Variants in TGFBR2 observed in about 807,000 individuals in gnomAD.
TGFBR2 encodes the protein TGF-beta receptor type-2.
A neutral mutation model predicts 49.0 loss-of-function variants in TGFBR2; 18 were observed. The observed-to-expected ratio is 0.37, with a 90% confidence interval of 0.25 to 0.54. The LOEUF is 0.54. Ranked by LOEUF, TGFBR2 falls within the 20% of genes least tolerant of loss-of-function variation. The pLI, the probability that TGFBR2 is intolerant of heterozygous loss-of-function variation, is 0.85. For missense variants in TGFBR2, 525 were observed against 722.6 expected, an observed-to-expected ratio of 0.73 and a Z score of 3.13; for synonymous variants, 282 against 275.9, an observed-to-expected ratio of 1.02 and a Z score of -0.22.
chr3:30,636,232 C>CA (rs1698528781), intron 1 of TGFBR2, among the ~76,000 whole-genome samples: 1 of 151,114 alleles, frequency 6.6e-6, no homozygotes, highest in Non-Finnish European at 1.5e-5. Context: ...TGAGCCACCG[C>CA]ACCCGGCCCG....
intron 5 of TGFBR2, among the ~76,000 whole-genome samples, chr3:30,674,944 T>G (rs909204915): frequency 6.6e-6 from 1 of 152,082 alleles, no homozygotes. Flanking sequence ...CTCTGCTATG[T>G]CTTCTCTGCA....
chr3:30,671,237 C>A (rs1402759849), intron 3 of TGFBR2, among the ~76,000 whole-genome samples: 1 of 152,012 alleles, frequency 6.6e-6, no homozygotes, highest in Non-Finnish European at 1.5e-5. Context: ...GTTCCCTGTC[C>A]GTGGGGGATG....
chr3:30,655,491 A>T, intron 3 of TGFBR2, among the ~76,000 whole-genome samples: 1 of 152,220 alleles, frequency 6.6e-6, no homozygotes, highest in East Asian at 1.9e-4. Context: ...TTGTTGGATA[A>T]TATTACAAAT....
chr3:30,636,304 A>C (rs2125396880), intron 1 of TGFBR2, among the ~76,000 whole-genome samples: 1 of 152,150 alleles, frequency 6.6e-6, no homozygotes, highest in Non-Finnish European at 1.5e-5. Flanking sequence ...TGATTATGTC[A>C]TTCTTGACAG....
At chr3:30,668,899 C>G (rs1187972372) in intron 3 of TGFBR2, among the ~76,000 whole-genome samples, 1 of 151,824 alleles carries the variant, frequency 6.6e-6, no homozygotes, top group East Asian at 1.9e-4. Flanking sequence ...TCAGACTTAC[C>G]TTAAGAACAA....
chr3:30,655,731 A>G (rs1203875580), intron 3 of TGFBR2, among the ~76,000 whole-genome samples: 1 of 152,176 alleles, frequency 6.6e-6, no homozygotes, highest in Non-Finnish European at 1.5e-5. Context: ...GATAAATGGT[A>G]CCTGTGGGTT....
Position 30,680,943 on chromosome 3 carries a change from G to T in TGFBR2, c.1396+6697G>T, listed in dbSNP as rs150716268. Among the ~76,000 whole-genome samples, 349 of 152,162 alleles carry T rather than the reference G, an allele frequency of 2.3e-3. 2 individuals carry two copies. Among genetic ancestry groups the T allele is most frequent in the African/African-American group, 8.0e-3 (332 of 41,512 alleles). On this transcript the variant is annotated intron_variant, in intron 5 of 6. Transcript: ENST00000295754. ...GGTGAAGGCGGGTGAAGGCGGTCCT[G>T]TTCAGGGCCCCCTTTGGTGAACACA... is the stretch of plus-strand genomic sequence containing the variant.
At chr3:30,669,517 T>G (rs916556203) in intron 3 of TGFBR2, among the ~76,000 whole-genome samples, 1 of 152,122 alleles carries the variant, frequency 6.6e-6, no homozygotes, top group Non-Finnish European at 1.5e-5. Flanking sequence ...GAAGAGGCGG[T>G]GTCTGATTTA....
At chr3:30,646,536 G>T (rs538923091) in intron 2 of TGFBR2, among the ~76,000 whole-genome samples, 1 of 152,136 alleles carries the variant, frequency 6.6e-6, no homozygotes, top group African/African-American at 2.4e-5. Flanking sequence ...AACTCTGAAG[G>T]GTAGAGGGAG....
At chr3:30,687,389 G>C (rs1447949254) in intron 5 of TGFBR2, among the ~76,000 whole-genome samples, 2 of 151,946 alleles carry the variant, frequency 1.3e-5, no homozygotes, top group Non-Finnish European at 2.9e-5. Context: ...TTGTTTGCTT[G>C]TTTTGTTTTT....
At chr3:30,683,420 AT>A (rs1362062773) in intron 5 of TGFBR2, among the ~76,000 whole-genome samples, 1 of 152,168 alleles carries the variant, frequency 6.6e-6, no homozygotes, top group African/African-American at 2.4e-5. Context: ...TTTCTACTGT[AT>A]TTTACCAAAG....
intron 1 of TGFBR2, among the ~76,000 whole-genome samples, chr3:30,618,701 C>T (rs1232818526): frequency 3.9e-5 from 6 of 152,124 alleles, no homozygotes; most frequent in Non-Finnish European, 5.9e-5. Flanking sequence ...AAAGTAGGTA[C>T]CCAATAAATT....
At chr3:30,644,037 C>T (rs1173214057) in intron 1 of TGFBR2, among the ~76,000 whole-genome samples, 1 of 152,186 alleles carries the variant, frequency 6.6e-6, no homozygotes, top group Admixed American at 6.5e-5. Context: ...GCGATCATAA[C>T]TCCAATGCCT....
chr3:30,623,399 C>G, intron 1 of TGFBR2: 1 of 1,280,220 alleles, frequency 7.8e-7, no homozygotes, highest in Non-Finnish European at 1.1e-6. Flanking sequence ...ATTTTCATAG[C>G]TAAATTGTTA....
intron 1 of TGFBR2, among the ~76,000 whole-genome samples, chr3:30,637,118 T>C (rs944306727): frequency 4.0e-5 from 6 of 150,740 alleles, no homozygotes; most frequent in African/African-American, 1.5e-4. Context: ...AATGGTGGTG[T>C]GTCAACCAGG....
intron 3 of TGFBR2, among the ~76,000 whole-genome samples, chr3:30,656,117 A>C (rs1698992818): frequency 6.6e-6 from 1 of 152,184 alleles, no homozygotes; most frequent in Admixed American, 6.5e-5. Flanking sequence ...TCCCTGAGCT[A>C]ATGGGCCCAT....
At chr3:30,636,895 T>A (rs544232951) in intron 1 of TGFBR2, among the ~76,000 whole-genome samples, 10 of 151,990 alleles carry the variant, frequency 6.6e-5, no homozygotes, top group East Asian at 5.8e-4. Context: ...AAACCCCGTC[T>A]CTACTAAAAA....
At chr3:30,656,810 C>A (rs1575149965) in intron 3 of TGFBR2, among the ~76,000 whole-genome samples, 1 of 152,228 alleles carries the variant, frequency 6.6e-6, no homozygotes. Flanking sequence ...AGTTTGTTTG[C>A]AGGACCAGGG....
intron 3 of TGFBR2, 36 bp downstream of exon 3, chr3:30,650,496 A>G (rs773686494): frequency 6.2e-7 from 1 of 1,609,914 alleles, no homozygotes; most frequent in Non-Finnish European, 8.5e-7. Flanking sequence ...GGGACCTGAG[A>G]TCTGTGCCAA....
Sources: gnomAD v4.1 joint callset for allele counts (sites outside exome capture counted in the v4.1 genomes callset) on GRCh38, gnomAD v4.1.1 for gene constraint, MANE v1.5 for transcripts, NCBI Gene and HGNC (gene_info 2026-07-23, HGNC 2026-07-21) for gene names.